WDR93: variants seen among roughly 807,000 people sequenced by gnomAD.
WDR93 encodes WD repeat domain 93.
Under a neutral mutation model 82.9 loss-of-function variants are expected in WDR93, and 73 were observed. The ratio of observed to expected loss-of-function variants is 0.88; its 90% CI spans 0.73 to 1.07. WDR93 has a LOEUF of 1.07. Ranked by LOEUF, WDR93 falls within the 50% of genes least tolerant of loss-of-function variation. The pLI is 0.00. For synonymous variants in WDR93, 283 were observed against 300.1 expected (o/e 0.94, Z 0.59); for missense variants, 738 against 826.0 (o/e 0.89, Z 1.31).
At chr15:89,699,864 A>G (rs1285689222) in intron 1 of WDR93, among the ~76,000 whole-genome samples, 3 of 152,056 alleles carry the variant, frequency 2.0e-5, no homozygotes, top group African/African-American at 7.2e-5. Context: ...AAAAGTTATA[A>G]CTGTTTTGTC....
chr15:89,718,676 A>G (rs1290244849), intron 7 of WDR93, among the ~76,000 whole-genome samples: 1 of 152,232 alleles, frequency 6.6e-6, no homozygotes, highest in African/African-American at 2.4e-5. Flanking sequence ...TGTACAAATA[A>G]TATATGAATA....
chr15:89,727,197 C>A lies in WDR93; in HGVS notation c.921C>A (p.Ile307=). 6.2e-7 allele frequency: 1 copy of A among 1,614,076 alleles called. No individual in the cohort carries two copies. Among genetic ancestry groups the A allele is most frequent in the South Asian group, 1.1e-5 (1 of 91,072 alleles). The change falls in exon 9 of 17, where the codon ATC becomes ATA. Residue 307 remains isoleucine (I), a synonymous_variant. Coordinates refer to ENST00000268130, the MANE Select transcript of WDR93 (RefSeq NM_020212.2). ...FKSPLEVFAK[I]KDCYGLGSGQ... is the part of the protein sequence containing the mutation. ...GCCCCCTGGAAGTCTTTGCAAAGATCAAGGACTGCTACGGACTGGGCTCCG... is the reference window on the plus strand; with the variant it reads ...GCCCCCTGGAAGTCTTTGCAAAGATAAAGGACTGCTACGGACTGGGCTCCG...
At chr15:89,724,175 C>CAAAA (rs35502769) in intron 8 of WDR93, among the ~76,000 whole-genome samples, 109 of 150,160 alleles carry the variant, frequency 7.3e-4, no homozygotes, top group African/African-American at 2.6e-3. Context: ...CCCATCTCCA[C>CAAAA]AAAAAAAAAT....
chr15:89,730,322 C>CAAAAA (rs370652070), intron 11 of WDR93, among the ~76,000 whole-genome samples: 2 of 123,470 alleles, frequency 1.6e-5, no homozygotes, highest in African/African-American at 3.0e-5. Flanking sequence ...AAGACTATCT[C>CAAAAA]AAAAAAAAAA....
At chr15:89,730,534 G>A (rs538632841) in intron 11 of WDR93, among the ~76,000 whole-genome samples, 2 of 152,234 alleles carry the variant, frequency 1.3e-5, no homozygotes, top group East Asian at 1.9e-4. Context: ...AATCCAGAGA[G>A]TTTCTGTATG....
At chr15:89,696,180 C>A (rs1299570705) in intron 1 of WDR93, among the ~76,000 whole-genome samples, 2 of 152,112 alleles carry the variant, frequency 1.3e-5, no homozygotes, top group African/African-American at 4.8e-5. Context: ...TGATCTGTTC[C>A]CCATTACTCA....
intron 1 of WDR93, among the ~76,000 whole-genome samples, chr15:89,700,466 A>C (rs1318695275): frequency 6.6e-6 from 1 of 152,166 alleles, no homozygotes; most frequent in Non-Finnish European, 1.5e-5. Flanking sequence ...CTATATATTA[A>C]GCACCTTAAA....
In WDR93 at chr15:89,703,119, T is replaced by C; in HGVS notation, c.473T>C (p.Leu158Pro). ...GCCACAGATTTAGGGAATGAAATAC[T>C]CATTGCTCCTGTGGATGAAATGGGT... ...IWATDLGNEILIAPVDEMGII... is the reference protein window; with the variant it reads ...IWATDLGNEIPIAPVDEMGII... The change falls in exon 3 of 17, where the codon CTC (leucine) becomes CCC (proline). Residue 158 changes from leucine (L) to proline (P), a missense_variant. Physicochemically the swap from Leu to Pro is moderately conservative, Grantham distance 98. Transcript: ENST00000268130. 1 of 1,614,206 alleles carries C rather than the reference T, an allele frequency of 6.2e-7. No homozygotes were observed. Among genetic ancestry groups the C allele is most frequent in the Non-Finnish European group, 8.5e-7 (1 of 1,180,020 alleles).
At chr15:89,726,484 G>A (rs991879043) in intron 8 of WDR93, among the ~76,000 whole-genome samples, 1 of 152,226 alleles carries the variant, frequency 6.6e-6, no homozygotes, top group African/African-American at 2.4e-5. Flanking sequence ...GCAGTCAAGG[G>A]CACTGTGGAA....
Position 89,705,534 on chromosome 15 carries a change from C to A in WDR93, c.497-20C>A. 2.2e-6 allele frequency: 3 copies of A among 1,379,836 alleles called. No homozygotes were observed. The highest frequency in any genetic ancestry group is 1.2e-5 in the South Asian group (1 of 86,028). 85.5% of individuals were successfully genotyped at this position (1,379,836 alleles called of 1,614,324 possible). On this transcript the variant is annotated intron_variant, in intron 3 of 16. Coordinates refer to ENST00000268130, the MANE Select transcript of WDR93 (RefSeq NM_020212.2). ...GCTCAATTGTCTGTCTTAACATTCT[C>A]ACTTATTTTTCTGTTTCAGGTATCA... is the stretch of plus-strand genomic sequence containing the variant.
At chr15:89,735,958 C>T (rs1461423417) in intron 14 of WDR93, among the ~76,000 whole-genome samples, 3 of 152,140 alleles carry the variant, frequency 2.0e-5, no homozygotes, top group Non-Finnish European at 2.9e-5. Context: ...GTGTCCCGGG[C>T]ACTGCAGGAA....
rs757950465 is a variant in WDR93 at position 89,705,564 on chromosome 15, ACT to A, written c.510_511del (p.Phe171LeufsTer4). On this transcript the variant is annotated frameshift_variant, in exon 4 of 17. Coordinates refer to ENST00000268130, the MANE Select transcript of WDR93 (RefSeq NM_020212.2). LOFTEE classifies it high-confidence loss of function. The stretch of plus-strand genomic sequence containing the variant: ...ATTTTTCTGTTTCAGGTATCATTAG[ACT>A]CTTTTATTTTTATAAGGAAGGACTT... ...APVDEMGIIR[L>X]FYFYKEGLYL... The A allele has an allele frequency of 3.2e-6, 5 of 1,539,210 alleles. No homozygotes were observed. The highest frequency in any genetic ancestry group is 2.2e-5 in the East Asian group (1 of 44,656).
chr15:89,739,588 G>A (rs1967492010), intron 16 of WDR93, among the ~76,000 whole-genome samples: 1 of 152,124 alleles, frequency 6.6e-6, no homozygotes, highest in South Asian at 2.1e-4. Context: ...TAAATTTCTG[G>A]GGATTTGCAA....
rs1282844889 is a variant in WDR93, at chr15:89,735,372, G to C, written c.1545-118G>C. 4.0e-6 allele frequency: 4 copies of C among 1,003,470 alleles called. No homozygotes were observed. In the African/African-American group the frequency reaches 6.4e-5, roughly 16 times the overall value. 62.2% of individuals were successfully genotyped at this position (1,003,470 alleles called of 1,614,324 possible). Reference sequence around the variant, plus strand: ...TCTTAATTTTTTGCTACTATGAACAGCCTCCTCACATATTTCTTGATTTCT... The same window carrying C: ...TCTTAATTTTTTGCTACTATGAACACCCTCCTCACATATTTCTTGATTTCT... On this transcript the variant is annotated intron_variant, in intron 13 of 16. Coordinates refer to ENST00000268130, the MANE Select transcript of WDR93 (RefSeq NM_020212.2).
At chr15:89,711,955 A>G in intron 4 of WDR93, 71 bp from the exon 5 acceptor site, 1 of 1,290,540 alleles carries the variant, frequency 7.7e-7, no homozygotes, top group Non-Finnish European at 1.1e-6. Flanking sequence ...GGTGCAGACC[A>G]CAGAAGGTCC....
intron 13 of WDR93, among the ~76,000 whole-genome samples, chr15:89,734,411 C>G (rs1966993595): frequency 6.6e-6 from 1 of 152,170 alleles, no homozygotes; most frequent in African/African-American, 2.4e-5. Flanking sequence ...CTCATGGTCT[C>G]TCCTGCAGAC....
intron 8 of WDR93, among the ~76,000 whole-genome samples, chr15:89,725,048 C>T (rs1299585913): frequency 1.3e-5 from 2 of 152,042 alleles, no homozygotes; most frequent in African/African-American, 4.8e-5. Flanking sequence ...TAGGAAACTC[C>T]TAAGCAAGCC....
intron 1 of WDR93, among the ~76,000 whole-genome samples, chr15:89,699,916 T>G (rs1389490436): frequency 6.6e-6 from 1 of 152,232 alleles, no homozygotes; most frequent in Non-Finnish European, 1.5e-5. Flanking sequence ...TCAGCTTTAG[T>G]TGATCGATTT....
chr15:89,690,550 G>C (rs1004317960), upstream of WDR93: 1 of 1,542,778 alleles, frequency 6.5e-7, no homozygotes, highest in Non-Finnish European at 8.8e-7. Context: ...GCGAGAAAGG[G>C]GCGGAGGCCG....
Sources: gnomAD v4.1 joint callset for allele counts (sites outside exome capture counted in the v4.1 genomes callset) on GRCh38, gnomAD v4.1.1 for gene constraint, MANE v1.5 for transcripts, NCBI Gene and HGNC (gene_info 2026-07-23, HGNC 2026-07-21) for gene names.